The following DTL variants were observed in gnomAD, a reference collection of about 807,000 sequenced individuals.
DTL encodes denticleless E3 ubiquitin protein ligase adapter, also known as denticleless protein homolog.
DTL carries 46 observed loss-of-function variants against 87.0 expected under a neutral mutation model. The observed-to-expected ratio is 0.53, with a 90% CI of 0.42 to 0.68. The LOEUF is 0.68. Ranked by LOEUF, DTL falls within the 30% of genes least tolerant of loss-of-function variation. The probability of loss-of-function intolerance (pLI) is 0.00; values close to 1 mark genes in which losing one functional copy is unlikely to be tolerated. For missense variants in DTL, 737 were observed against 869.4 expected, an observed-to-expected ratio of 0.85 and a Z score of 1.91; for synonymous variants, 308 against 311.2, an observed-to-expected ratio of 0.99 and a Z score of 0.11.
At chr1:212,039,502 G>A (rs1427055999) in intron 1 of DTL, among the ~76,000 whole-genome samples, 1 of 152,160 alleles carries the variant, frequency 6.6e-6, no homozygotes, top group Admixed American at 6.5e-5. Context: ...GGGAAAAAGT[G>A]GTACCTCAAC....
At chr1:212,045,238 T>G (rs1667773219) in intron 3 of DTL, among the ~76,000 whole-genome samples, 1 of 152,206 alleles carries the variant, frequency 6.6e-6, no homozygotes, top group Non-Finnish European at 1.5e-5. Flanking sequence ...ATCTGTAGTA[T>G]ATATAACACA....
chr1:212,073,496 T>C (rs1654736327), intron 11 of DTL, among the ~76,000 whole-genome samples: 2 of 152,234 alleles, frequency 1.3e-5, no homozygotes, highest in Non-Finnish European at 2.9e-5. Flanking sequence ...GTAATATTGC[T>C]AATTTTTTTT....
chr1:212,055,589 A>T (rs1396329051), intron 5 of DTL, among the ~76,000 whole-genome samples: 1 of 151,430 alleles, frequency 6.6e-6, no homozygotes, highest in Non-Finnish European at 1.5e-5. Flanking sequence ...AACCACCACC[A>T]CTCTGGGCTG....
intron 5 of DTL, among the ~76,000 whole-genome samples, chr1:212,054,864 A>G (rs1223340944): frequency 6.6e-6 from 1 of 152,042 alleles, no homozygotes; most frequent in Non-Finnish European, 1.5e-5. Flanking sequence ...CCCAAACAAC[A>G]GTTTCTATTT....
At chr1:212,067,610 G>A (rs1166585835) in intron 8 of DTL, among the ~76,000 whole-genome samples, 3 of 152,100 alleles carry the variant, frequency 2.0e-5, no homozygotes, top group Non-Finnish European at 4.4e-5. Context: ...AAATTCTCAG[G>A]CAGGAATGAA....
intron 14 of DTL, among the ~76,000 whole-genome samples, chr1:212,101,421 A>G (rs539923545): frequency 6.6e-6 from 1 of 152,222 alleles, no homozygotes; most frequent in South Asian, 2.1e-4. Context: ...AGCCTTCATC[A>G]TGCTCCAGGA....
chr1:212,056,374 A>C (rs1055893922), intron 5 of DTL, among the ~76,000 whole-genome samples: 6 of 152,194 alleles, frequency 3.9e-5, no homozygotes, highest in African/African-American at 1.4e-4. Flanking sequence ...CTACCAACGA[A>C]ACCAGATACC....
chr1:212,053,467 A>G (rs1424703290), intron 5 of DTL, among the ~76,000 whole-genome samples: 1 of 152,178 alleles, frequency 6.6e-6, no homozygotes, highest in Non-Finnish European at 1.5e-5. Context: ...TGCTGGGATT[A>G]CAGGCATGAG....
At chr1:212,097,297 C>T (rs1655478428) in intron 13 of DTL, among the ~76,000 whole-genome samples, 2 of 152,212 alleles carry the variant, frequency 1.3e-5, no homozygotes, top group South Asian at 4.1e-4. Flanking sequence ...TTCATCTTGA[C>T]TTTAGATAGC....
In DTL at chr1:212,047,413, G is replaced by T; in HGVS notation, c.456G>T (p.Glu152Asp). 6.2e-7 allele frequency: 1 copy of T among 1,614,218 alleles called. No homozygotes were observed. The highest frequency in any genetic ancestry group is 8.5e-7 in the Non-Finnish European group (1 of 1,180,034). ...AGTCAGTTGCCTTTTCTAAGTTTGA[G>T]AAAGGTAGGTTTGTGCTTATCTTCT... is the stretch of plus-strand genomic sequence containing the variant. ...SLKSVAFSKF[E>D]KAVFCTGGRD... Residue 152 changes from glutamate to aspartate, a missense_variant, in exon 5 of 15, where the codon GAG becomes GAT. Coordinates refer to ENST00000366991, the MANE Select transcript of DTL (RefSeq NM_016448.4).
At chr1:212,060,077 T>C (rs1668296691) in intron 5 of DTL, among the ~76,000 whole-genome samples, 1 of 152,100 alleles carries the variant, frequency 6.6e-6, no homozygotes, top group South Asian at 2.1e-4. Context: ...AAATTATTAT[T>C]TTTAAAATGG....
chr1:212,048,862 A>G (rs1667881653), intron 5 of DTL, among the ~76,000 whole-genome samples: 1 of 151,028 alleles, frequency 6.6e-6, no homozygotes, highest in Non-Finnish European at 1.5e-5. Context: ...TCATTTATTC[A>G]CCTGAGCCAT....
chr1:212,082,928 A>G (rs898804928), intron 13 of DTL, among the ~76,000 whole-genome samples: 1 of 152,216 alleles, frequency 6.6e-6, no homozygotes. Context: ...GTACAAGTAT[A>G]CTATAGGTAG....
At position 212,048,661 on chromosome 1, in the gene DTL, T is replaced by TTTTG. The variant is rs560728514; in HGVS notation, c.460+1256_460+1259dup. The stretch of plus-strand genomic sequence containing the variant: ...GTCTGAATAAGCTCTTCATTTCTGT[T>TTTTG]TTTGTTTGTTTGTTTTCTCCTTCCA... On this transcript the variant is annotated intron_variant, in intron 5 of 14. Transcript: ENST00000366991. Among the ~76,000 whole-genome samples the TTTTG allele has an allele frequency of 6.7e-4, 102 of 152,316 alleles. 1 individual carries two copies. In the South Asian group the frequency reaches 0.021, roughly 31 times the overall value.
chr1:212,077,595 G>A (rs1183262824), intron 11 of DTL: 1 of 153,286 alleles, frequency 6.5e-6, no homozygotes, highest in Non-Finnish European at 1.5e-5. Flanking sequence ...ATAACTTTGG[G>A]TTTTGTAAAA....
chr1:212,035,945 G>T lies in DTL; in HGVS notation c.52+3G>T, dbSNP rs771471470. On this transcript the variant is annotated splice_donor_region_variant and intron_variant, in intron 1 of 14. Transcript: ENST00000366991. Reference sequence around the variant, plus strand: ...CCAGCTTGGCGTCCTGAGAAATGGTGAGTAACGGTCCCAACCGCTGCTCGG... The same window carrying T: ...CCAGCTTGGCGTCCTGAGAAATGGTTAGTAACGGTCCCAACCGCTGCTCGG... The T allele has an allele frequency of 4.3e-6, 7 of 1,613,974 alleles. No individual in the cohort carries two copies. The highest frequency in any genetic ancestry group is 2.2e-5 in the South Asian group (2 of 91,076).
At chr1:212,076,387 CTCTT>C (rs1242517994) in intron 11 of DTL, among the ~76,000 whole-genome samples, 1 of 152,082 alleles carries the variant, frequency 6.6e-6, no homozygotes, top group African/African-American at 2.4e-5. Flanking sequence ...TCTAATGGGT[CTCTT>C]TCTTTTTTCT....
intron 13 of DTL, among the ~76,000 whole-genome samples, chr1:212,093,781 G>A (rs564002068): frequency 6.6e-6 from 1 of 152,296 alleles, no homozygotes; most frequent in Admixed American, 6.5e-5. Flanking sequence ...CACAGGATGG[G>A]GGCGTGGCAG....
chr1:212,052,091 A>G (rs1306991087), intron 5 of DTL: 4 of 761,802 alleles, frequency 5.3e-6, no homozygotes, highest in African/African-American at 5.2e-5. Flanking sequence ...TTTTCCTTTC[A>G]TTGCTAAAGT....
Sources: allele counts gnomAD v4.1 joint callset (sites outside exome capture counted in the v4.1 genomes callset), GRCh38; gene constraint gnomAD v4.1.1; transcripts MANE v1.5; gene names NCBI Gene and HGNC (gene_info 2026-07-23, HGNC 2026-07-21).